Variants in ROR1 observed in about 807,000 individuals in gnomAD.
ROR1 encodes the protein inactive tyrosine-protein kinase transmembrane receptor ROR1.
Under a neutral mutation model 78.8 loss-of-function variants are expected in ROR1, and 19 were observed. That is an observed-to-expected ratio of 0.24 (90% CI 0.17 to 0.35). The LOEUF is 0.35. ROR1 is among the 10% of genes least tolerant of loss of function. The pLI is 1.00. For missense variants in ROR1, 917 were observed against 1,177.8 expected (o/e 0.78, Z 3.24); for synonymous variants, 386 against 433.6 (o/e 0.89, Z 1.36).
intron 8 of ROR1, among the ~76,000 whole-genome samples, chr1:64,168,138 G>A (rs1024203472): frequency 6.6e-6 from 1 of 152,198 alleles, no homozygotes; most frequent in Non-Finnish European, 1.5e-5. Context: ...GATGCATTAA[G>A]CACTTTATGT....
intron 1 of ROR1, among the ~76,000 whole-genome samples, chr1:63,975,191 G>A (rs926566126): frequency 9.2e-5 from 14 of 152,106 alleles, no homozygotes; most frequent in Non-Finnish European, 1.5e-4. Flanking sequence ...CCAAATGGCT[G>A]GCAGAAGGAA....
chr1:64,178,702 C>G lies in ROR1; in HGVS notation c.2661C>G (p.His887Gln). Reference sequence around the variant, plus strand: ...AAGCAAATATTCCTTTACTACCACACATGTCAATTCCAAATCATCCTGGTG... The same window carrying G: ...AAGCAAATATTCCTTTACTACCACAGATGTCAATTCCAAATCATCCTGGTG... ...NQEANIPLLP[H>Q]MSIPNHPGGM... Residue 887 changes from histidine (H) to glutamine (Q), a missense_variant, in exon 9 of 9, where the codon CAC (histidine) becomes CAG (glutamine). Physicochemically the swap from His to Gln is conservative, Grantham distance 24. Coordinates refer to ENST00000371079, the MANE Select transcript of ROR1 (RefSeq NM_005012.4). This position sits in a 1 kb window ranked among gnomAD's most constrained non-coding sequence, Gnocchi z 4.3. The G allele has an allele frequency of 6.2e-7, 1 of 1,614,152 alleles. No individual in the cohort carries two copies. The highest frequency in any genetic ancestry group is 1.1e-5 in the South Asian group (1 of 91,078).
chr1:64,045,149 A>G (rs542633941), intron 2 of ROR1, among the ~76,000 whole-genome samples: 4 of 152,282 alleles, frequency 2.6e-5, no homozygotes, highest in African/African-American at 9.6e-5. Context: ...CACCTATCGA[A>G]TTTTGGTGTA....
intron 1 of ROR1, among the ~76,000 whole-genome samples, chr1:63,902,563 GTCC>G (rs1228189047): frequency 6.6e-6 from 1 of 151,942 alleles, no homozygotes; most frequent in Non-Finnish European, 1.5e-5. Flanking sequence ...GGCTCCAGCA[GTCC>G]TCCTGCCTCA....
chr1:64,166,674 G>T (rs1315485162), intron 8 of ROR1, among the ~76,000 whole-genome samples: 1 of 152,188 alleles, frequency 6.6e-6, no homozygotes, highest in African/African-American at 2.4e-5. Flanking sequence ...ATTAACTGGG[G>T]TGAGGACACA....
intron 8 of ROR1, among the ~76,000 whole-genome samples, chr1:64,168,367 A>C (rs1428383550): frequency 6.6e-6 from 1 of 152,234 alleles, no homozygotes; most frequent in Non-Finnish European, 1.5e-5. Flanking sequence ...ATAAGCATTC[A>C]AAAAATCATA....
chr1:63,937,678 A>G (rs943046692), intron 1 of ROR1, among the ~76,000 whole-genome samples: 2 of 152,208 alleles, frequency 1.3e-5, no homozygotes, highest in African/African-American at 4.8e-5. Context: ...GTTGTAAATC[A>G]GAGCCTGAAG....
At chr1:64,073,217 G>A (rs142588886) in intron 4 of ROR1, among the ~76,000 whole-genome samples, 1 of 152,176 alleles carries the variant, frequency 6.6e-6, no homozygotes, top group Non-Finnish European at 1.5e-5. Context: ...TCTGGGCTAA[G>A]AGAGTGGAAG....
chr1:63,774,392 C>A lies in ROR1; in HGVS notation c.-26C>A. The A allele has an allele frequency of 8.0e-7, 1 of 1,256,150 alleles. No homozygotes were observed. The highest frequency in any genetic ancestry group is 1.0e-6 in the Non-Finnish European group (1 of 993,332). 77.8% of individuals were successfully genotyped at this position (1,256,150 alleles called of 1,614,324 possible). A position where few individuals can be genotyped will look rare whatever the true frequency, so the allele number is the denominator to read the frequency against. ...TCTGCGCGCGGCCTGGGAGCCGCCG[C>A]CGCCGCCGCCTCAGCGAGAGGAGGA... On this transcript the variant is annotated 5_prime_UTR_variant, in exon 1 of 9. Coordinates refer to ENST00000371079, the MANE Select transcript of ROR1 (RefSeq NM_005012.4). The surrounding 1 kb of genome is among the most constrained non-coding windows in gnomAD (Gnocchi z 5.7).
intron 1 of ROR1, among the ~76,000 whole-genome samples, chr1:63,801,422 G>A (rs181532955): frequency 6.2e-4 from 95 of 152,150 alleles, no homozygotes; most frequent in African/African-American, 2.2e-3. Flanking sequence ...AGCCTCCTGA[G>A]TAGCTTGGAT....
At chr1:63,904,251 T>G (rs1569886890) in intron 1 of ROR1, among the ~76,000 whole-genome samples, 1 of 152,134 alleles carries the variant, frequency 6.6e-6, no homozygotes, top group African/African-American at 2.4e-5. Context: ...ATCTAGTGAT[T>G]CATTTTAAAC....
chr1:63,912,765 T>C (rs902480653), intron 1 of ROR1, among the ~76,000 whole-genome samples: 2 of 152,200 alleles, frequency 1.3e-5, no homozygotes, highest in African/African-American at 4.8e-5. Flanking sequence ...TCTCATCTGA[T>C]ACTTGTGCTT....
At chr1:63,871,076 G>A (rs748106278) in intron 1 of ROR1, among the ~76,000 whole-genome samples, 8 of 152,136 alleles carry the variant, frequency 5.3e-5, no homozygotes, top group Non-Finnish European at 1.0e-4. Context: ...ACAACACCTG[G>A]CATAAATAAT....
chr1:64,118,240 C>T (rs1301806384), intron 4 of ROR1, among the ~76,000 whole-genome samples: 2 of 152,078 alleles, frequency 1.3e-5, no homozygotes, highest in Non-Finnish European at 1.5e-5. Context: ...AAGCAAGATC[C>T]CATTCAGTTT....
At chr1:64,036,626 G>A (rs1359180) in intron 2 of ROR1, among the ~76,000 whole-genome samples, 97,699 of 151,310 alleles carry the variant, frequency 0.65, 35,386 homozygotes, top group East Asian at 0.88. Flanking sequence ...CACGGAATCT[G>A]TCACAAGATA....
chr1:63,837,305 G>A (rs1299174049), intron 1 of ROR1, among the ~76,000 whole-genome samples: 2 of 152,096 alleles, frequency 1.3e-5, no homozygotes, highest in South Asian at 4.2e-4. Context: ...TTCAGATTGT[G>A]TTATGGCTGG....
chr1:63,988,111 T>C (rs11208329), intron 1 of ROR1, among the ~76,000 whole-genome samples: 4,330 of 152,228 alleles, frequency 0.028, 225 homozygotes, highest in African/African-American at 0.1. Flanking sequence ...AAATAACAAA[T>C]TGTTCCTCAT....
intron 4 of ROR1, chr1:64,106,521 A>C (rs879854616): frequency 6.6e-6 from 1 of 152,216 alleles, no homozygotes; most frequent in Non-Finnish European, 1.5e-5. Context: ...AGAAGAGGGC[A>C]TCCTTACCTT....
intron 4 of ROR1, among the ~76,000 whole-genome samples, chr1:64,067,188 A>G (rs560660503): frequency 5.8e-4 from 88 of 152,012 alleles, no homozygotes; most frequent in African/African-American, 2.1e-3. Flanking sequence ...AGTCTCTAAT[A>G]AAAATACAAA....
Sources: gnomAD v4.1 joint callset for allele counts (sites outside exome capture counted in the v4.1 genomes callset) on GRCh38, gnomAD v4.1.1 for gene constraint, Gnocchi (gnomAD v3.1) non-coding constraint, MANE v1.5 for transcripts, NCBI Gene and HGNC (gene_info 2026-07-23, HGNC 2026-07-21) for gene names.